The following CPS1 variants were observed in gnomAD, a reference collection of about 807,000 sequenced individuals.
CPS1 encodes the protein carbamoyl-phosphate synthase 1.
In CPS1, 109 loss-of-function variants were observed where a neutral mutation model predicts 174.6. The ratio of observed to expected loss-of-function variants is 0.62; its 90% CI spans 0.53 to 0.73. The LOEUF is 0.73. Among genes scored for constraint, CPS1 ranks in the 30% least tolerant of loss-of-function variants. The probability of loss-of-function intolerance (pLI) is 0.00; values close to 1 mark genes in which losing one functional copy is unlikely to be tolerated. For synonymous variants in CPS1, 637 were observed against 632.0 expected (o/e 1.01, Z -0.12); for missense variants, 1,689 against 1,821.9 (o/e 0.93, Z 1.33).
At chr2:210,580,858 CAA>C (rs369186272) in intron 5 of CPS1, among the ~76,000 whole-genome samples, 42 of 95,208 alleles carry the variant, frequency 4.4e-4, no homozygotes, top group Non-Finnish European at 4.1e-4. Flanking sequence ...GACCCTGTCT[CAA>C]AAAAAAAAAA....
intron 1 of CPS1, among the ~76,000 whole-genome samples, chr2:210,564,015 G>A (rs1469679123): frequency 6.6e-6 from 1 of 152,148 alleles, no homozygotes; most frequent in Non-Finnish European, 1.5e-5. Flanking sequence ...GTCCCATAAA[G>A]TTTATGAATC....
At chr2:210,581,521 A>C (rs1697922546) in intron 5 of CPS1, among the ~76,000 whole-genome samples, 1 of 152,182 alleles carries the variant, frequency 6.6e-6, no homozygotes, top group Non-Finnish European at 1.5e-5. Flanking sequence ...TGTTTTAAGA[A>C]AAGGGGAAGG....
intron 1 of CPS1, among the ~76,000 whole-genome samples, chr2:210,562,973 A>G (rs917493900): frequency 2.6e-5 from 4 of 152,066 alleles, no homozygotes; most frequent in African/African-American, 9.7e-5. Flanking sequence ...AGGAGAAGAA[A>G]CATTTCTGTT....
chr2:210,507,687 A>G lies in CPS1; in HGVS notation c.3+29921A>G, dbSNP rs1434325324. Among the ~76,000 whole-genome samples, 3 of 144,240 alleles carry G rather than the reference A, an allele frequency of 2.1e-5. No individual in the cohort carries two copies. The Admixed American group carries it at 2.1e-4, about 10-fold the overall frequency. 94.6% of individuals were successfully genotyped at this position (144,240 alleles called of 152,430 possible). A position where few individuals can be genotyped will look rare whatever the true frequency, so the allele number is the denominator to read the frequency against. ...AAAATAAAGGGATGGAGGAAGATCT[A>G]CCAAGCAAATGGAAAACAAAAAAAG... On this transcript the variant is annotated intron_variant, in intron 1 of 38. Coordinates refer to the CPS1 transcript ENST00000430249.
intron 19 of CPS1, 23 bp downstream of exon 19, chr2:210,608,582 T>C: frequency 6.2e-7 from 1 of 1,605,932 alleles, no homozygotes; most frequent in Non-Finnish European, 8.5e-7. Flanking sequence ...TTTATTACGC[T>C]TTTCTTCTTG....
intron 1 of CPS1, among the ~76,000 whole-genome samples, chr2:210,507,272 A>G (rs918790003): frequency 5.3e-5 from 8 of 152,174 alleles, no homozygotes; most frequent in Non-Finnish European, 8.8e-5. Flanking sequence ...TTATCCAGTG[A>G]AACTAAGCTT....
intron 1 of CPS1, among the ~76,000 whole-genome samples, chr2:210,557,812 T>G (rs1248301241): frequency 6.6e-6 from 1 of 152,120 alleles, no homozygotes; most frequent in African/African-American, 2.4e-5. Flanking sequence ...AGTGTTCTGC[T>G]TATACTTTGC....
intron 6 of CPS1, among the ~76,000 whole-genome samples, chr2:210,587,341 C>T (rs898190187): frequency 5.3e-5 from 8 of 152,038 alleles, no homozygotes; most frequent in African/African-American, 1.9e-4. Context: ...GCCCACCCTT[C>T]TAGGCTTTCT....
intron 1 of CPS1, among the ~76,000 whole-genome samples, chr2:210,559,191 A>G (rs958361818): frequency 7.9e-5 from 12 of 152,116 alleles, no homozygotes; most frequent in Admixed American, 1.3e-4. Context: ...ATGTAGTTAC[A>G]TAATGGTCAG....
intron 18 of CPS1, 102 bp from the exon 19 acceptor site, chr2:210,608,259 A>C: frequency 9.5e-7 from 1 of 1,052,226 alleles, no homozygotes; most frequent in African/African-American, 1.6e-5. Context: ...TATACCCTGA[A>C]GTAGAATAAT....
chr2:210,648,413 G>A (rs1559126340), intron 26 of CPS1, 60 bp from the exon 27 acceptor site: 1 of 1,388,040 alleles, frequency 7.2e-7, no homozygotes, highest in Non-Finnish European at 1.0e-6. Flanking sequence ...GATACATTCT[G>A]TAATTTTATT....
intron 1 of CPS1, among the ~76,000 whole-genome samples, chr2:210,542,490 A>G (rs1375770444): frequency 1.3e-5 from 2 of 152,146 alleles, no homozygotes; most frequent in Non-Finnish European, 2.9e-5. Flanking sequence ...CTTCAGTAAG[A>G]GAAGATATAT....
intron 1 of CPS1, among the ~76,000 whole-genome samples, chr2:210,502,478 T>C (rs947604315): frequency 4.4e-5 from 6 of 137,370 alleles, no homozygotes; most frequent in African/African-American, 1.3e-4. Context: ...TATATTTATA[T>C]ATAAAAGAGA....
At chr2:210,620,292 A>T (rs957591362) in intron 21 of CPS1, among the ~76,000 whole-genome samples, 4 of 152,250 alleles carry the variant, frequency 2.6e-5, no homozygotes, top group African/African-American at 9.6e-5. Flanking sequence ...CTAGGTAGAT[A>T]TTATGGAAAT....
chr2:210,491,683 A>T (rs1694881654), intron 1 of CPS1, among the ~76,000 whole-genome samples: 1 of 151,980 alleles, frequency 6.6e-6, no homozygotes, highest in Admixed American at 6.6e-5. Flanking sequence ...CTCCACTGTT[A>T]AGGCACCAAG....
At chr2:210,656,428 C>A in intron 29 of CPS1, 97 bp from the exon 30 acceptor site, 1 of 808,308 alleles carries the variant, frequency 1.2e-6, no homozygotes, top group Non-Finnish European at 2.2e-6. Flanking sequence ...GTGCTCAGTG[C>A]ATCTGTTAGG....
At chr2:210,676,055 TAGTA>T (rs1200857147) in intron 36 of CPS1, among the ~76,000 whole-genome samples, 1 of 152,250 alleles carries the variant, frequency 6.6e-6, no homozygotes, top group South Asian at 2.1e-4. Context: ...AAATACTTCT[TAGTA>T]AGGATACTTT....
intron 1 of CPS1, among the ~76,000 whole-genome samples, chr2:210,490,192 A>G (rs1397835664): frequency 1.3e-4 from 20 of 152,164 alleles, no homozygotes; most frequent in Non-Finnish European, 2.1e-4. Flanking sequence ...CATTTAGAAA[A>G]ACGTTCTTGT....
intron 1 of CPS1, among the ~76,000 whole-genome samples, chr2:210,493,131 G>T (rs1694911464): frequency 6.6e-6 from 1 of 152,044 alleles, no homozygotes; most frequent in Non-Finnish European, 1.5e-5. Flanking sequence ...ATGGAATTTT[G>T]CTTTTCAATT....
Sources: gnomAD v4.1 joint callset for allele counts (sites outside exome capture counted in the v4.1 genomes callset) on GRCh38, gnomAD v4.1.1 for gene constraint, MANE v1.5 for transcripts, NCBI Gene and HGNC (gene_info 2026-07-23, HGNC 2026-07-21) for gene names.